The following PHF19 variants were observed in gnomAD, a reference collection of about 807,000 sequenced individuals.
PHF19 encodes the protein polycomb like 3.
Under a neutral mutation model 79.8 loss-of-function variants are expected in PHF19, and 21 were observed. The observed-to-expected ratio is 0.26, with a 90% CI of 0.19 to 0.38. The LOEUF is 0.38. Ranked by LOEUF, PHF19 falls within the 10% of genes least tolerant of loss-of-function variation. PHF19 has a pLI of 1.00. For missense variants in PHF19, 445 were observed against 744.2 expected, an observed-to-expected ratio of 0.60 and a Z score of 4.68; for synonymous variants, 273 against 296.3, an observed-to-expected ratio of 0.92 and a Z score of 0.81.
Position 120,874,075 on chromosome 9 carries a change from G to A in PHF19, c.187-15C>T, listed in dbSNP as rs200335495. 13 of 1,503,486 alleles carry A rather than the reference G, an allele frequency of 8.6e-6. No individual in the cohort carries two copies. Among genetic ancestry groups the A allele is most frequent in the Admixed American group, 3.5e-5 (2 of 57,524 alleles). 93.1% of individuals were successfully genotyped at this position (1,503,486 alleles called of 1,614,324 possible). On this transcript the variant is annotated splice_polypyrimidine_tract_variant and intron_variant, in intron 2 of 14. Coordinates refer to ENST00000373896, the MANE Select transcript of PHF19 (RefSeq NM_015651.3). The surrounding 1 kb of genome is among the most constrained non-coding windows in gnomAD (Gnocchi z 4.5). ...GAGCTGCTGACCTGGGGTACAGATA[G>A]GAAGGAGCAAGTGAGAAAGGGCTGG...
chr9:120,871,410 C>T lies in PHF19; in HGVS notation c.269-872G>A, dbSNP rs191637171. ...ACATAATTAAAACACCTCTACTGCACCTATAAGTTAACATAATTGCTTAAT... is the reference window on the plus strand; with the variant it reads ...ACATAATTAAAACACCTCTACTGCATCTATAAGTTAACATAATTGCTTAAT... On this transcript the variant is annotated intron_variant, in intron 3 of 14. Coordinates refer to ENST00000373896, the MANE Select transcript of PHF19 (RefSeq NM_015651.3). Among the ~76,000 whole-genome samples the T allele has an allele frequency of 1.1e-4, 16 of 152,308 alleles. No homozygotes were observed. The East Asian group carries it at 2.7e-3, about 26-fold the overall frequency.
Position 120,869,689 on chromosome 9 carries a change from CA to C in PHF19, c.465+155del, listed in dbSNP as rs2045830396. The C allele has an allele frequency of 6.4e-7, 1 of 1,552,058 alleles. No homozygotes were observed. Among genetic ancestry groups the C allele is most frequent in the Non-Finnish European group, 8.7e-7 (1 of 1,147,108 alleles). On this transcript the variant is annotated intron_variant, in intron 5 of 14. Coordinates refer to ENST00000373896, the MANE Select transcript of PHF19 (RefSeq NM_015651.3). This position sits in a 1 kb window ranked among gnomAD's most constrained non-coding sequence, Gnocchi z 5.8. ...AGGAAACTGAGGCTCAGGGAGTCTACAAATCCTGGCCAAGGACAGTGGCAGA... is the reference window on the plus strand; with the variant it reads ...AGGAAACTGAGGCTCAGGGAGTCTACAATCCTGGCCAAGGACAGTGGCAGA...
chr9:120,882,636 G>A (rs2046202974), intron 1 of PHF19, among the ~76,000 whole-genome samples: 1 of 152,104 alleles, frequency 6.6e-6, no homozygotes, highest in Admixed American at 6.6e-5. Context: ...GAGGTCCGGA[G>A]TTCAAGACCA....
At chr9:120,899,674 A>G (rs1046780757), upstream of PHF19, among the ~76,000 whole-genome samples, 1 of 152,182 alleles carries the variant, frequency 6.6e-6, no homozygotes, top group South Asian at 2.1e-4. Context: ...GGAGCTCAGT[A>G]GAGGAAAGTA....
intron 12 of PHF19, 113 bp downstream of exon 12, chr9:120,861,805 A>C: frequency 1.3e-6 from 1 of 781,272 alleles, no homozygotes; most frequent in Non-Finnish European, 2.3e-6. Context: ...TGGCTTCTTT[A>C]AGGGACATGA....
chr9:120,885,938 A>C (rs1450179951), intron 1 of PHF19, among the ~76,000 whole-genome samples: 2 of 152,186 alleles, frequency 1.3e-5, no homozygotes. Context: ...GGCTCTTTAA[A>C]GCTAATCTTC....
Position 120,864,068 on chromosome 9 carries a change from G to C in PHF19, c.949C>G (p.Leu317Val). The C allele has an allele frequency of 1.2e-6, 2 of 1,613,926 alleles. No individual in the cohort carries two copies. The highest frequency in any genetic ancestry group is 1.7e-6 in the Non-Finnish European group (2 of 1,179,912). ...ACGCACCGGCTTTTATAACTGTTCA[G>C]AGCGTTGAGGAGATGTGGTCCTCGA... ...TDRGPHLLNA[L>V]NSYKSRFLCG... Residue 317 changes from leucine to valine, a missense_variant, in exon 10 of 15, where the codon CTG (leucine) becomes GTG (valine). By Grantham distance (32) the Leu-to-Val change is conservative. This residue lies in a region of PHF19 where 167 missense variants were observed against 375.8 expected (regional missense o/e 0.44). Transcript: ENST00000373896.
intron 3 of PHF19, among the ~76,000 whole-genome samples, chr9:120,871,893 C>A (rs1260572067): frequency 1.3e-5 from 2 of 151,804 alleles, no homozygotes; most frequent in African/African-American, 4.8e-5. Context: ...CAAAAATTAG[C>A]TAGGCGTGGT....
In PHF19 at chr9:120,858,099, A is replaced by G. The variant is rs1193840083; in HGVS notation, c.1588T>C (p.Ser530Pro). 1.2e-6 allele frequency: 2 copies of G among 1,614,070 alleles called. No homozygotes were observed. The highest frequency in any genetic ancestry group is 1.7e-6 in the Non-Finnish European group (2 of 1,180,012). ...HTFESISEDD[S>P]SLSHLKSSIT... is the part of the protein sequence containing the mutation. Reference sequence around the variant, plus strand: ...GATGACTTGAGGTGGGACAGGGATGAGTCATCTTCACTGATGCTCTCAAAT... The same window carrying G: ...GATGACTTGAGGTGGGACAGGGATGGGTCATCTTCACTGATGCTCTCAAAT... Residue 530 changes from serine to proline, a missense_variant, in exon 15 of 15, where the codon TCA becomes CCA. Physicochemically the swap from Ser to Pro is moderately conservative, Grantham distance 74 (BLOSUM62 -1). Coordinates refer to ENST00000373896, the MANE Select transcript of PHF19 (RefSeq NM_015651.3).
intron 9 of PHF19, 92 bp downstream of exon 9, chr9:120,865,618 A>T (rs1230671304): frequency 6.9e-7 from 1 of 1,451,614 alleles, no homozygotes; most frequent in Admixed American, 1.8e-5. Flanking sequence ...CTCAAGGGTG[A>T]GAGTTCAGAG....
At chr9:120,877,396 G>T, upstream of PHF19, 1 of 977,148 alleles carries the variant, frequency 1.0e-6, no homozygotes, top group South Asian at 4.7e-5. Context: ...CCTCGCCATT[G>T]GAGCCCGCGG....
At position 120,865,806 on chromosome 9, in the gene PHF19, G is replaced by C; in HGVS notation, c.804C>G (p.Leu268=). The C allele has an allele frequency of 1.2e-6, 2 of 1,614,190 alleles. No homozygotes were observed. Among genetic ancestry groups the C allele is most frequent in the Non-Finnish European group, 1.7e-6 (2 of 1,180,022 alleles). Residue 268 remains leucine, a synonymous_variant, in exon 9 of 15, where the codon CTC becomes CTG. Coordinates refer to ENST00000373896, the MANE Select transcript of PHF19 (RefSeq NM_015651.3). ...TCTTGCTCTGTACCCCCAGATTATA[G>C]AGGGCCAGGTGAACCACATCCACCC... The part of the protein sequence containing the change: ...LRWVDVVHLA[L]YNLGVQSKKK...
intron 14 of PHF19, among the ~76,000 whole-genome samples, chr9:120,858,811 T>TCACA (rs56042039): frequency 0.11 from 13,705 of 122,588 alleles, 770 homozygotes; most frequent in Admixed American, 0.14. Context: ...CTGACAGACA[T>TCACA]CACACACACA....
chr9:120,888,600 A>G (rs2046300261), intron 1 of PHF19, among the ~76,000 whole-genome samples: 1 of 152,206 alleles, frequency 6.6e-6, no homozygotes, highest in Admixed American at 6.5e-5. Context: ...ATCTCTGTAA[A>G]CAGGATGGAG....
At chr9:120,867,075 G>A in intron 6 of PHF19, 110 bp from the exon 7 acceptor site, 1 of 684,296 alleles carries the variant, frequency 1.5e-6, no homozygotes, top group Non-Finnish European at 2.7e-6. Context: ...AAAGGGAAGA[G>A]AATTCAGTTA....
At chr9:120,864,591 G>A (rs992145519) in intron 9 of PHF19, among the ~76,000 whole-genome samples, 1 of 152,216 alleles carries the variant, frequency 6.6e-6, no homozygotes, top group African/African-American at 2.4e-5. Flanking sequence ...GCGGAGGCAG[G>A]AGAATCACTT....
upstream of PHF19, chr9:120,877,325 T>C (rs1247251057): frequency 1.4e-5 from 14 of 980,668 alleles, no homozygotes; most frequent in Admixed American, 6.3e-5. Context: ...GCGCCATCTT[T>C]TTCGCGTTTT....
chr9:120,876,449 C>CGCCCCCCCA lies in PHF19; in HGVS notation c.-16+633_-16+641dup, dbSNP rs1265315248. On this transcript the variant is annotated intron_variant, in intron 1 of 14. Coordinates refer to ENST00000373896, the MANE Select transcript of PHF19 (RefSeq NM_015651.3). Reference sequence around the variant, plus strand: ...TGGCCGGGCGGGGGCCCCCGGGTGGCGCCCCCCCAGCCCCCGCCTCCGTCC... The same window carrying CGCCCCCCCA: ...TGGCCGGGCGGGGGCCCCCGGGTGGCGCCCCCCCAGCCCCCCCAGCCCCCGCCTCCGTCC... 5 of 150,664 alleles carry CGCCCCCCCA rather than the reference C, an allele frequency of 3.3e-5. No homozygotes were observed. The East Asian group carries it at 9.9e-4, about 30-fold the overall frequency. The allele number at this position is 150,664 out of a possible 1,614,324, so 9.3% of individuals were successfully genotyped here.
rs149596306 is a variant in PHF19 at position 120,874,268 on chromosome 9, T to C, written c.187-208A>G. ...GATGGATGGCAACTTGGTCAGAATG[T>C]TGAGGACAGAAGCACAAGTCAGATG... is the stretch of plus-strand genomic sequence containing the variant. On this transcript the variant is annotated intron_variant, in intron 2 of 14. Transcript: ENST00000373896. This position sits in a 1 kb window ranked among gnomAD's most constrained non-coding sequence, Gnocchi z 4.5. 5.2e-3 allele frequency among the ~76,000 whole-genome samples: 794 copies of C among 152,324 alleles called. 9 individuals are homozygous for C. The highest frequency in any genetic ancestry group is 0.018 in the African/African-American group (756 of 41,558).
Sources: allele counts gnomAD v4.1 joint callset (sites outside exome capture counted in the v4.1 genomes callset), GRCh38; gene constraint gnomAD v4.1.1; regional missense constraint gnomAD v4.1.1; non-coding constraint Gnocchi (gnomAD v3.1); transcripts MANE v1.5; gene names NCBI Gene and HGNC (gene_info 2026-07-23, HGNC 2026-07-21).